Variants in HMCN2 observed in about 807,000 individuals in gnomAD.
HMCN2 encodes hemicentin 2, also known as hemicentin-2.
A neutral mutation model predicts 377.5 loss-of-function variants in HMCN2; 325 were observed. That is an observed-to-expected ratio of 0.86 (90% confidence interval 0.79 to 0.94). The LOEUF (loss-of-function observed/expected upper bound fraction) is 0.94, where lower values mean the gene tolerates loss of function less well. Ranked by LOEUF, HMCN2 falls within the 40% of genes least tolerant of loss-of-function variation. The pLI is 0.00. For synonymous variants in HMCN2, 2,007 were observed against 2,046.8 expected (o/e 0.98, Z 0.53); for missense variants, 4,543 against 4,725.3 (o/e 0.96, Z 1.13).
chr9:130,340,502 G>C (rs1838986930), intron 23 of HMCN2, among the ~76,000 whole-genome samples: 1 of 150,790 alleles, frequency 6.6e-6, no homozygotes, highest in Non-Finnish European at 1.5e-5. Context: ...CACTGAGCTG[G>C]ATGAATCCCA....
rs562722151 is a variant in HMCN2 at position 130,398,633 on chromosome 9, C to T, written c.11409C>T (p.Gly3803=). ...CCTTGCTGCCCTGCGAGGCCAGCGG[C>T]TCCCCTAAGCCCCTGGTGGTCTGGT... is the stretch of plus-strand genomic sequence containing the variant. ...TPALLPCEAS[G]SPKPLVVWWK... The change falls in exon 75 of 98, where the codon GGC becomes GGT. Residue 3803 remains glycine (G), a synonymous_variant. Transcript: ENST00000683500. 1.6e-6 allele frequency: 2 copies of T among 1,289,094 alleles called. No homozygotes were observed. The highest frequency in any genetic ancestry group is 1.1e-4 in the East Asian group (2 of 18,010). 79.9% of individuals were successfully genotyped at this position (1,289,094 alleles called of 1,614,324 possible). A position where few individuals can be genotyped will look rare whatever the true frequency, so the allele number is the denominator to read the frequency against.
chr9:130,335,785 C>T (rs1160144340), intron 22 of HMCN2, among the ~76,000 whole-genome samples: 1 of 152,114 alleles, frequency 6.6e-6, no homozygotes, highest in Non-Finnish European at 1.5e-5. Context: ...GTCAAAGACC[C>T]GCACCCATCT....
rs932599229 is a variant in HMCN2, at chr9:130,392,041, C to T, written c.10059C>T (p.His3353=). 43 of 988,320 alleles carry T rather than the reference C, an allele frequency of 4.4e-5. No homozygotes were observed. The highest frequency in any genetic ancestry group is 4.2e-4 in the South Asian group (9 of 21,392). The allele number at this position is 988,320 out of a possible 1,614,324, so 61.2% of individuals were successfully genotyped here. Residue 3353 remains histidine (H), a synonymous_variant, in exon 66 of 98, where the codon CAC becomes CAT. Coordinates refer to ENST00000683500, the MANE Select transcript of HMCN2 (RefSeq NM_001291815.2). ...CTGTGCGGGGCTCCCCGCCCATCCACGTGAGCTGGCTCAAGGACGGCCTGC... is the reference window on the plus strand; with the variant it reads ...CTGTGCGGGGCTCCCCGCCCATCCATGTGAGCTGGCTCAAGGACGGCCTGC... The part of the protein sequence containing the change: ...VCPVRGSPPI[H]VSWLKDGLPL...
intron 59 of HMCN2, among the ~76,000 whole-genome samples, chr9:130,385,252 C>T (rs1425645478): frequency 1.3e-5 from 2 of 152,182 alleles, no homozygotes; most frequent in Admixed American, 6.5e-5. Flanking sequence ...GAACGGGCCT[C>T]GACAGAGAGC....
At chr9:130,378,945 T>C (rs1841548401) in intron 53 of HMCN2, among the ~76,000 whole-genome samples, 1 of 152,166 alleles carries the variant, frequency 6.6e-6, no homozygotes, top group African/African-American at 2.4e-5. Context: ...TAGACAAACA[T>C]CGGCTGAAGC....
In HMCN2 at chr9:130,285,807, G is replaced by A. The variant is rs1419880164; in HGVS notation, c.490-381G>A. Among the ~76,000 whole-genome samples, 10 of 152,298 alleles carry A rather than the reference G, an allele frequency of 6.6e-5. No individual in the cohort carries two copies. In the South Asian group the frequency reaches 1.2e-3, roughly 19 times the overall value. ...ATCCTTGGGCAAGATCCACAGGGCC[G>A]GGACTGCTTCTCTGCCGCCACGTCT... On this transcript the variant is annotated intron_variant, in intron 3 of 97. Transcript: ENST00000683500.
chr9:130,349,267 C>A (rs1409705335), intron 28 of HMCN2, 136 bp downstream of exon 28: 24 of 901,248 alleles, frequency 2.7e-5, no homozygotes, highest in Non-Finnish European at 3.1e-5. Flanking sequence ...ACAGACCCAA[C>A]CCCCATCCTC....
intron 61 of HMCN2, 95 bp from the exon 62 acceptor site, chr9:130,388,313 AC>A (rs1842124096): frequency 1.2e-6 from 1 of 841,784 alleles, no homozygotes; most frequent in Non-Finnish European, 1.4e-6. Flanking sequence ...ACTCCTAACT[AC>A]CAGGAAGGGC....
chr9:130,318,642 AG>A (rs1416024357), intron 15 of HMCN2, among the ~76,000 whole-genome samples: 1 of 152,162 alleles, frequency 6.6e-6, no homozygotes, highest in Admixed American at 6.5e-5. Flanking sequence ...AGCAAGAATT[AG>A]GGGAATCTCT....
Position 130,417,583 on chromosome 9 carries a change from G to A in HMCN2, c.12962-1189G>A, listed in dbSNP as rs2131780523. 1.3e-5 allele frequency among the ~76,000 whole-genome samples: 2 copies of A among 151,156 alleles called. 1 individual carries two copies. Among genetic ancestry groups the A allele is most frequent in the South Asian group, 4.2e-4 (2 of 4,774 alleles). ...AGAGAGCTGGGGTGGTGTGGCAGGGGAGAGAGAGAGAGAAGAGAAGGTAAA... is the reference window on the plus strand; with the variant it reads ...AGAGAGCTGGGGTGGTGTGGCAGGGAAGAGAGAGAGAGAAGAGAAGGTAAA... On this transcript the variant is annotated intron_variant, in intron 85 of 97. Transcript: ENST00000683500.
Position 130,377,561 on chromosome 9 carries a change from T to C in HMCN2, c.8062-88T>C, listed in dbSNP as rs55807274. ...CACTTTATGCTGCATTTTTGGAGAA[T>C]GTATTGAGAATTAAGCACATTTGTC... is the stretch of plus-strand genomic sequence containing the variant. On this transcript the variant is annotated intron_variant, in intron 52 of 97. Coordinates refer to ENST00000683500, the MANE Select transcript of HMCN2 (RefSeq NM_001291815.2). 714 of 712,828 alleles carry C rather than the reference T, an allele frequency of 1.0e-3. 6 individuals are homozygous for C. In the African/African-American group the frequency reaches 0.013, roughly 13 times the overall value. The allele number at this position is 712,828 out of a possible 1,614,324, so 44.2% of individuals were successfully genotyped here.
At chr9:130,324,482 C>G (rs1457755036) in intron 19 of HMCN2, among the ~76,000 whole-genome samples, 3 of 152,188 alleles carry the variant, frequency 2.0e-5, no homozygotes, top group Non-Finnish European at 4.4e-5. Context: ...CAACATCCCC[C>G]ACCAGGGCGG....
At chr9:130,340,584 AT>A (rs1838992516) in intron 23 of HMCN2, among the ~76,000 whole-genome samples, 1 of 150,906 alleles carries the variant, frequency 6.6e-6, no homozygotes, top group South Asian at 2.1e-4. Flanking sequence ...CAGTGGCACA[AT>A]CTCAGCTCAC....
chr9:130,412,026 C>T (rs1466522374), intron 85 of HMCN2, among the ~76,000 whole-genome samples: 2 of 152,202 alleles, frequency 1.3e-5, no homozygotes, highest in Admixed American at 1.3e-4. Context: ...GGCTGGAGTG[C>T]AGTGGTGCCA....
intron 85 of HMCN2, among the ~76,000 whole-genome samples, chr9:130,411,286 T>C (rs1370688225): frequency 6.6e-6 from 1 of 151,652 alleles, no homozygotes; most frequent in Non-Finnish European, 1.5e-5. Flanking sequence ...TGCAATGCAA[T>C]ATTATTTAAC....
intron 1 of HMCN2, among the ~76,000 whole-genome samples, chr9:130,280,714 A>G (rs1564743181): frequency 1.3e-5 from 2 of 152,204 alleles, no homozygotes; most frequent in East Asian, 1.9e-4. Context: ...TTAAAATAGT[A>G]TGTATTTTTG....
intron 12 of HMCN2, among the ~76,000 whole-genome samples, 190 bp from the exon 13 acceptor site, chr9:130,306,620 AC>A (rs782514876): frequency 3.4e-4 from 44 of 129,988 alleles, no homozygotes; most frequent in Non-Finnish European, 4.5e-4. Context: ...AGGCTGTGTG[AC>A]CTTGGGCAAG....
intron 61 of HMCN2, among the ~76,000 whole-genome samples, chr9:130,388,098 G>T (rs1297862911): frequency 6.6e-6 from 1 of 152,132 alleles, no homozygotes; most frequent in Non-Finnish European, 1.5e-5. Context: ...TGCCTGGGGT[G>T]TGTGACTTCA....
chr9:130,339,174 C>T (rs1272055386), intron 23 of HMCN2, among the ~76,000 whole-genome samples: 1 of 152,118 alleles, frequency 6.6e-6, no homozygotes, highest in Non-Finnish European at 1.5e-5. Context: ...GGCAACAGTG[C>T]GAGACCCTGT....
Sources: gnomAD v4.1 joint callset for allele counts (sites outside exome capture counted in the v4.1 genomes callset) on GRCh38, gnomAD v4.1.1 for gene constraint, MANE v1.5 for transcripts, NCBI Gene and HGNC (gene_info 2026-07-23, HGNC 2026-07-21) for gene names.